CMYA5: variants seen among roughly 807,000 people sequenced by gnomAD.
The protein encoded by CMYA5 is cardiomyopathy associated 5, also known as cardiomyopathy-associated protein 5.
Under a neutral mutation model 318.9 loss-of-function variants are expected in CMYA5, and 246 were observed. The observed-to-expected ratio is 0.77, with a 90% confidence interval of 0.70 to 0.86. CMYA5 has a LOEUF of 0.86. Ranked by LOEUF, CMYA5 falls within the 40% of genes least tolerant of loss-of-function variation. The pLI is 0.00. For synonymous variants in CMYA5, 1,641 were observed against 1,729.5 expected (o/e 0.95, Z 1.27); for missense variants, 4,589 against 4,678.2 (o/e 0.98, Z 0.56).
chr5:79,750,943 T>G (rs1282922297), intron 5 of CMYA5, among the ~76,000 whole-genome samples: 1 of 152,146 alleles, frequency 6.6e-6, no homozygotes. Flanking sequence ...ATCAGTGATG[T>G]GTATTTTTAG....
intron 12 of CMYA5, among the ~76,000 whole-genome samples, chr5:79,797,911 C>T (rs992493918): frequency 6.6e-6 from 1 of 152,184 alleles, no homozygotes; most frequent in African/African-American, 2.4e-5. Context: ...TCAAGTCCTG[C>T]CTGTCCTTTC....
intron 1 of CMYA5, among the ~76,000 whole-genome samples, chr5:79,702,244 A>T (rs1009293001): frequency 3.9e-5 from 6 of 152,184 alleles, no homozygotes; most frequent in Admixed American, 1.3e-4. Flanking sequence ...AAAAAAATTT[A>T]AAAATTAGCT....
In CMYA5 at chr5:79,730,778, A is replaced by C. The variant is rs1490883625; in HGVS notation, c.2013A>C (p.Thr671=). Residue 671 remains threonine, a synonymous_variant, in exon 2 of 13, where the codon ACA becomes ACC. Coordinates refer to ENST00000446378, the MANE Select transcript of CMYA5 (RefSeq NM_153610.5). The part of the protein sequence containing the change: ...TSENQSPLFS[T]VTPEYMVLSG... Reference sequence around the variant, plus strand: ...AGAACCAGTCTCCACTGTTTTCAACAGTTACACCAGAATACATGGTCCTAT... The same window carrying C: ...AGAACCAGTCTCCACTGTTTTCAACCGTTACACCAGAATACATGGTCCTAT... The C allele has an allele frequency of 6.2e-7, 1 of 1,613,580 alleles. No individual in the cohort carries two copies. The highest frequency in any genetic ancestry group is 1.3e-5 in the African/African-American group (1 of 74,856).
rs1828134720 is a variant in CMYA5 at position 79,738,415 on chromosome 5, T to C, written c.9650T>C (p.Val3217Ala). The change falls in exon 2 of 13, where the codon GTG becomes GCG. Residue 3217 changes from valine to alanine, a missense_variant. Around this residue, in one of 3 missense-constraint regions of CMYA5, gnomAD observed 2,431 missense variants for 2,495.1 expected, o/e 0.97. Transcript: ENST00000446378. ...EEETASEGDS[V>A]NSEASFPSRN... is the part of the protein sequence containing the mutation. The stretch of plus-strand genomic sequence containing the variant: ...GAGACAGCTTCTGAAGGTGACAGTG[T>C]GAATTCTGAGGCATCATTTCCCAGC... 1 of 1,613,670 alleles carries C rather than the reference T, an allele frequency of 6.2e-7. No homozygotes were observed.
At chr5:79,706,133 G>C (rs1225344698) in intron 1 of CMYA5, among the ~76,000 whole-genome samples, 1 of 152,092 alleles carries the variant, frequency 6.6e-6, no homozygotes, top group Non-Finnish European at 1.5e-5. Flanking sequence ...ACCGCCTTCT[G>C]GTCCTGCGAT....
chr5:79,743,105 C>T (rs1274313129), intron 2 of CMYA5, among the ~76,000 whole-genome samples: 2 of 152,310 alleles, frequency 1.3e-5, no homozygotes, highest in African/African-American at 2.4e-5. Context: ...GAAGAGGCCT[C>T]CATCAATGTT....
chr5:79,723,128 A>G (rs999716287), intron 1 of CMYA5, among the ~76,000 whole-genome samples: 1 of 152,138 alleles, frequency 6.6e-6, no homozygotes, highest in South Asian at 2.1e-4. Context: ...CAAAAACCTG[A>G]CAAACACATT....
intron 12 of CMYA5, among the ~76,000 whole-genome samples, chr5:79,797,585 TTCC>T (rs984249586): frequency 2.6e-4 from 39 of 152,278 alleles, no homozygotes; most frequent in African/African-American, 9.1e-4. Context: ...TGCTGGCACC[TTCC>T]TATCTCATTG....
At position 79,732,814 on chromosome 5, in the gene CMYA5, G is replaced by C; in HGVS notation, c.4049G>C (p.Ser1350Thr). ...GAAATTAAAAAAGAAATTGAACCCA[G>C]TTCCTCAACAACTACAGCATCTGTA... ...SEEIKKEIEPSSSTTTASVTK... is the reference protein window; with the variant it reads ...SEEIKKEIEPTSSTTTASVTK... The change falls in exon 2 of 13, where the codon AGT (serine) becomes ACT (threonine). Residue 1350 changes from serine to threonine, a missense_variant. Physicochemically the swap from Ser to Thr is moderately conservative, Grantham distance 58. Around this residue, in one of 3 missense-constraint regions of CMYA5, gnomAD observed 2,132 missense variants for 2,131.3 expected, o/e 1.00. Transcript: ENST00000446378. The C allele has an allele frequency of 6.2e-7, 1 of 1,613,674 alleles. No individual in the cohort carries two copies. Among genetic ancestry groups the C allele is most frequent in the Non-Finnish European group, 8.5e-7 (1 of 1,179,804 alleles).
Position 79,793,410 on chromosome 5 carries a change from G to A in CMYA5, c.11790-27G>A, listed in dbSNP as rs781044014. On this transcript the variant is annotated intron_variant, in intron 11 of 12. Coordinates refer to ENST00000446378, the MANE Select transcript of CMYA5 (RefSeq NM_153610.5). ...TACAGGCCGGCGATTCCTGCACTGA[G>A]CATACTCTGATTGACTTCACCCACA... 3.7e-6 allele frequency: 6 copies of A among 1,601,126 alleles called. No homozygotes were observed. The South Asian group carries it at 6.7e-5, about 18-fold the overall frequency.
At chr5:79,728,560 C>G (rs935579668) in intron 1 of CMYA5, among the ~76,000 whole-genome samples, 1 of 151,986 alleles carries the variant, frequency 6.6e-6, no homozygotes, top group African/African-American at 2.4e-5. Flanking sequence ...AGCACAGATA[C>G]AAGAGTTATT....
Position 79,723,363 on chromosome 5 carries a change from C to T in CMYA5, c.150-5552C>T, listed in dbSNP as rs189230345. Among the ~76,000 whole-genome samples the T allele has an allele frequency of 1.0e-3, 154 of 150,324 alleles. 1 individual carries two copies. The highest frequency in any genetic ancestry group is 3.7e-3 in the African/African-American group (150 of 40,820). Reference sequence around the variant, plus strand: ...CTGAGGCAGGAGAATCGCTTGAACTCTGGAGGCAGAGATTGCAGTGAGCCA... The same window carrying T: ...CTGAGGCAGGAGAATCGCTTGAACTTTGGAGGCAGAGATTGCAGTGAGCCA... On this transcript the variant is annotated intron_variant, in intron 1 of 12. Coordinates refer to ENST00000446378, the MANE Select transcript of CMYA5 (RefSeq NM_153610.5).
chr5:79,798,339 G>A (rs190111913), intron 12 of CMYA5, among the ~76,000 whole-genome samples: 4 of 151,906 alleles, frequency 2.6e-5, no homozygotes, highest in East Asian at 1.9e-4. Context: ...CACATCCGTC[G>A]ACCTTTCCCT....
In CMYA5 at chr5:79,760,178, G is replaced by A. The variant is rs536997230; in HGVS notation, c.11260+1276G>A. Among the ~76,000 whole-genome samples the A allele has an allele frequency of 4.6e-4, 65 of 140,304 alleles. No homozygotes were observed. The East Asian group carries it at 0.012, about 27-fold the overall frequency. The allele number at this position is 140,304 out of a possible 152,430, so 92.0% of individuals were successfully genotyped here. ...AGACCCTTCTTATCAAATAGTTGTT[G>A]CTTGGCCTGCTTTTTTTTTTTTTTT... On this transcript the variant is annotated intron_variant, in intron 7 of 12. Transcript: ENST00000446378.
intron 12 of CMYA5, among the ~76,000 whole-genome samples, chr5:79,797,166 C>T (rs779756610): frequency 1.3e-5 from 2 of 152,194 alleles, no homozygotes; most frequent in Non-Finnish European, 2.9e-5. Flanking sequence ...TGGTTCTTCT[C>T]TGCTGTCGGA....
At chr5:79,741,135 C>G (rs1300797699) in intron 2 of CMYA5, among the ~76,000 whole-genome samples, 1 of 152,212 alleles carries the variant, frequency 6.6e-6, no homozygotes, top group Non-Finnish European at 1.5e-5. Context: ...TCTTTGGCCT[C>G]CCAAAGTGCT....
At chr5:79,752,595 C>T (rs1828449633) in intron 5 of CMYA5, 81 bp from the exon 6 acceptor site, 1 of 989,740 alleles carries the variant, frequency 1.0e-6, no homozygotes, top group Admixed American at 2.2e-5. Context: ...CCAACACCAG[C>T]TTCATTTTGA....
chr5:79,734,249 T>G lies in CMYA5; in HGVS notation c.5484T>G (p.Leu1828=), dbSNP rs756040705. The G allele has an allele frequency of 4.9e-5, 79 of 1,613,564 alleles. No homozygotes were observed. The South Asian group carries it at 8.1e-4, about 17-fold the overall frequency. Residue 1828 remains leucine (L), a synonymous_variant, in exon 2 of 13, where the codon CTT becomes CTG. Transcript: ENST00000446378. ...LVEQKKTEKA[L]HSDQTVKLPD... ...AACAAAAAAAGACAGAAAAAGCACTTCATTCAGATCAAACTGTTAAATTAC... is the reference window on the plus strand; with the variant it reads ...AACAAAAAAAGACAGAAAAAGCACTGCATTCAGATCAAACTGTTAAATTAC...
chr5:79,720,855 A>G (rs2151081295), intron 1 of CMYA5, among the ~76,000 whole-genome samples: 1 of 152,308 alleles, frequency 6.6e-6, no homozygotes, highest in Non-Finnish European at 1.5e-5. Context: ...GAAATACTAA[A>G]GGGAGGAGGA....
Sources: allele counts gnomAD v4.1 joint callset (sites outside exome capture counted in the v4.1 genomes callset), GRCh38; gene constraint gnomAD v4.1.1; regional missense constraint gnomAD v4.1.1; transcripts MANE v1.5; gene names NCBI Gene and HGNC (gene_info 2026-07-23, HGNC 2026-07-21).